Variants in FGF13 observed in about 807,000 individuals in gnomAD.
The protein encoded by FGF13 is fibroblast growth factor 13.
FGF13 carries 2 observed loss-of-function variants against 19.5 expected under a neutral mutation model. That is an observed-to-expected ratio of 0.10 (90% confidence interval 0.04 to 0.32). FGF13 has a LOEUF of 0.32. Ranked by LOEUF, FGF13 falls within the 10% of genes least tolerant of loss-of-function variation. The probability of loss-of-function intolerance (pLI) is 1.00; values close to 1 mark genes in which losing one functional copy is unlikely to be tolerated. For synonymous variants in FGF13, 72 were observed against 76.9 expected, an observed-to-expected ratio of 0.94 and a Z score of 0.33; for missense variants, 113 against 192.7, an observed-to-expected ratio of 0.59 and a Z score of 2.45.
At chrX:139,200,008 C>T (rs1047115603) in intron 1 of FGF13, among the ~76,000 whole-genome samples, 1 of 111,751 alleles carries the variant, frequency 8.9e-6, no homozygotes, top group African/African-American at 3.3e-5. Context: ...AAGAACAGAC[C>T]AATATTTCTG....
At chrX:138,719,179 G>T in intron 1 of FGF13, among the ~76,000 whole-genome samples, 1 of 112,183 alleles carries the variant, frequency 8.9e-6, no homozygotes, top group Admixed American at 9.4e-5. Context: ...CAACAGTGGT[G>T]CCTGGATGTG....
intron 1 of FGF13, among the ~76,000 whole-genome samples, chrX:138,958,241 G>A: frequency 8.9e-6 from 1 of 111,952 alleles, no homozygotes; most frequent in East Asian, 2.8e-4. Context: ...AGGAAGGGCT[G>A]TTGAATTTTG....
intron 1 of FGF13, among the ~76,000 whole-genome samples, chrX:139,146,240 C>T (rs1262899126): frequency 8.9e-6 from 1 of 111,935 alleles, no homozygotes; most frequent in African/African-American, 3.2e-5. Context: ...GGCTAATATC[C>T]AGAATCTACA....
intron 3 of FGF13, among the ~76,000 whole-genome samples, chrX:138,759,192 G>C (rs2090450191): frequency 8.9e-6 from 1 of 112,235 alleles, no homozygotes; most frequent in African/African-American, 3.2e-5. Context: ...GCTTGGGATG[G>C]CATCACGTAT....
chrX:139,115,303 A>G (rs1259184219), intron 1 of FGF13, among the ~76,000 whole-genome samples: 1 of 112,265 alleles, frequency 8.9e-6, no homozygotes, highest in Non-Finnish European at 1.9e-5. Flanking sequence ...CTCCCATTTT[A>G]TTCAGTGTGA....
At chrX:139,095,260 G>A (rs915480367) in intron 1 of FGF13, among the ~76,000 whole-genome samples, 2 of 112,026 alleles carry the variant, frequency 1.8e-5, no homozygotes, top group African/African-American at 3.2e-5. Flanking sequence ...AAAAGCCCTC[G>A]CTCAGGGAGC....
chrX:138,700,571 G>A (rs2089937308), intron 3 of FGF13, among the ~76,000 whole-genome samples: 1 of 111,358 alleles, frequency 9.0e-6, no homozygotes, highest in Non-Finnish European at 1.9e-5. Flanking sequence ...CACTGAGGAT[G>A]GTGATCAACT....
intron 1 of FGF13, among the ~76,000 whole-genome samples, chrX:138,965,210 C>T (rs742270): frequency 0.013 from 1,410 of 112,368 alleles, 29 homozygotes; most frequent in African/African-American, 0.043. Context: ...CCCTTCAGTT[C>T]GTTTAGATGT....
At chrX:138,909,071 C>T (rs1245178569) in intron 1 of FGF13, among the ~76,000 whole-genome samples, 1 of 112,042 alleles carries the variant, frequency 8.9e-6, no homozygotes, top group African/African-American at 3.2e-5. Flanking sequence ...CTTAGACATG[C>T]TAAATGTGCA....
At position 139,064,281 on chromosome X, in the gene FGF13, C is replaced by CTTTTTTT. The variant is rs139084376; in HGVS notation, c.-113+139128_-113+139134dup. Among the ~76,000 whole-genome samples, 61 of 23,160 alleles carry CTTTTTTT rather than the reference C, an allele frequency of 2.6e-3. 2 individuals carry two copies. The highest frequency in any genetic ancestry group is 5.8e-3 in the African/African-American group (26 of 4,520). 20.1% of individuals were successfully genotyped at this position (23,160 alleles called of 115,157 possible). On this transcript the variant is annotated intron_variant, in intron 1 of 2. Transcript: ENST00000421460. ...GCATAGAGCAGAGTTCTTTTTTTTTCTTTTTTTTTTTTTTTTTTTTTTTTT... is the reference window on the plus strand; with the variant it reads ...GCATAGAGCAGAGTTCTTTTTTTTTCTTTTTTTTTTTTTTTTTTTTTTTTTTTTTTTT...
At chrX:139,010,708 G>A (rs887999232) in intron 1 of FGF13, among the ~76,000 whole-genome samples, 4 of 111,178 alleles carry the variant, frequency 3.6e-5, no homozygotes, top group African/African-American at 1.3e-4. Flanking sequence ...AAGTCTGAAA[G>A]GGCACAAACA....
chrX:138,745,852 C>T (rs2090351627), intron 3 of FGF13, among the ~76,000 whole-genome samples: 1 of 111,489 alleles, frequency 9.0e-6, no homozygotes, highest in African/African-American at 3.3e-5. Flanking sequence ...AGAAGGCAAT[C>T]AGTGCCATCT....
At chrX:138,901,427 G>A (rs2091531262) in intron 1 of FGF13, among the ~76,000 whole-genome samples, 1 of 111,208 alleles carries the variant, frequency 9.0e-6, no homozygotes, top group South Asian at 3.8e-4. Context: ...GGGAAAGTGG[G>A]GAGCTCAGTG....
intron 1 of FGF13, among the ~76,000 whole-genome samples, chrX:139,066,456 C>T (rs765898749): frequency 8.1e-5 from 9 of 111,540 alleles, no homozygotes; most frequent in Admixed American, 3.8e-4. Flanking sequence ...ATAGACACAA[C>T]GAAAAATGAT....
chrX:139,145,732 C>T (rs1266065763), intron 1 of FGF13, among the ~76,000 whole-genome samples: 1 of 110,907 alleles, frequency 9.0e-6, no homozygotes, highest in Non-Finnish European at 1.9e-5. Flanking sequence ...CAAAATCTAC[C>T]TCAAATGTCA....
intron 3 of FGF13, among the ~76,000 whole-genome samples, chrX:138,824,590 A>G (rs940457555): frequency 8.9e-6 from 1 of 111,896 alleles, no homozygotes; most frequent in African/African-American, 3.2e-5. Flanking sequence ...AACATATATA[A>G]TGACAGTAAT....
chrX:138,763,209 T>C (rs2090479637), intron 3 of FGF13, among the ~76,000 whole-genome samples: 2 of 110,628 alleles, frequency 1.8e-5, no homozygotes, highest in African/African-American at 6.6e-5. Flanking sequence ...AGCAAAGGGA[T>C]CCATTGTTTC....
intron 1 of FGF13, among the ~76,000 whole-genome samples, chrX:138,985,262 T>C (rs1022307556): frequency 2.7e-5 from 3 of 112,501 alleles, no homozygotes; most frequent in Non-Finnish European, 5.6e-5. Context: ...TCTGTTTGTT[T>C]TTAACCAGCT....
At chrX:138,687,297 AAAATAAAT>A (rs749155043) in intron 3 of FGF13, among the ~76,000 whole-genome samples, 35 of 111,589 alleles carry the variant, frequency 3.1e-4, no homozygotes, top group African/African-American at 1.0e-3. Context: ...CTCAATAGCA[AAAATAAAT>A]AAATAAATAA....
Sources: allele counts gnomAD v4.1 joint callset (sites outside exome capture counted in the v4.1 genomes callset), GRCh38; gene constraint gnomAD v4.1.1; transcripts MANE v1.5; gene names NCBI Gene and HGNC (gene_info 2026-07-23, HGNC 2026-07-21).